The following PBRM1 variants were observed in gnomAD, a reference collection of about 807,000 sequenced individuals.
The protein encoded by PBRM1 is protein polybromo-1.
PBRM1 carries 27 observed loss-of-function variants against 194.5 expected under a neutral mutation model. That is an observed-to-expected ratio of 0.14 (90% CI 0.10 to 0.19). PBRM1 has a LOEUF of 0.19. PBRM1 is among the 10% of genes least tolerant of loss of function. The probability of loss-of-function intolerance (pLI) is 1.00; values close to 1 mark genes in which losing one functional copy is unlikely to be tolerated. For missense variants in PBRM1, 1,466 were observed against 2,077.2 expected, an observed-to-expected ratio of 0.71 and a Z score of 5.72; for synonymous variants, 655 against 693.2, an observed-to-expected ratio of 0.94 and a Z score of 0.87.
At chr3:52,596,964 C>T (rs2093613230) in intron 17 of PBRM1, among the ~76,000 whole-genome samples, 1 of 152,150 alleles carries the variant, frequency 6.6e-6, no homozygotes. Flanking sequence ...CCCCAGAGCC[C>T]TTTAGCACAC....
At position 52,609,699 on chromosome 3, in the gene PBRM1, G is replaced by A; in HGVS notation, c.2181C>T (p.Asp727=). 6.2e-7 allele frequency: 1 copy of A among 1,613,334 alleles called. No homozygotes were observed. Among genetic ancestry groups the A allele is most frequent in the Non-Finnish European group, 8.5e-7 (1 of 1,179,762 alleles). ...AGGCATTATTAAACATCATGACAAA[G>A]TCCTCAACCATAGAGTCAATATCTT... The change falls in exon 16 of 30, where the codon GAC becomes GAT. Residue 727 remains aspartate (D), a synonymous_variant. Coordinates refer to ENST00000296302, the Ensembl canonical transcript of PBRM1. The surrounding 1 kb of genome is among the most constrained non-coding windows in gnomAD (Gnocchi z 4.1).
chr3:52,685,777 C>A lies in PBRM1; in HGVS notation c.-41G>T, dbSNP rs566714781. 4.8e-3 allele frequency: 1,228 copies of A among 258,038 alleles called. 19 individuals are homozygous for A. The highest frequency in any genetic ancestry group is 0.014 in the Middle Eastern group (12 of 872). The allele number at this position is 258,038 out of a possible 1,614,324, so 16.0% of individuals were successfully genotyped here. A position where few individuals can be genotyped will look rare whatever the true frequency, so the allele number is the denominator to read the frequency against. ...GCCGCTCCGCCGCCTGCAGCCCCGG[C>A]CGCGGTCACCGACCGCCGCGCCCCG... On this transcript the variant is annotated 5_prime_UTR_variant, in exon 1 of 30. Coordinates refer to the PBRM1 transcript ENST00000394830.
At chr3:52,646,503 C>T (rs2096292437) in intron 7 of PBRM1, among the ~76,000 whole-genome samples, 1 of 152,050 alleles carries the variant, frequency 6.6e-6, no homozygotes, top group Non-Finnish European at 1.5e-5. Flanking sequence ...CAATATTTAA[C>T]TAAAAAATGG....
chr3:52,597,139 A>G (rs2093629862), intron 17 of PBRM1, among the ~76,000 whole-genome samples: 1 of 152,184 alleles, frequency 6.6e-6, no homozygotes, highest in Admixed American at 6.5e-5. Flanking sequence ...AAGCACAAAG[A>G]TTCTCTGTGT....
intron 20 of PBRM1, chr3:52,586,076 C>A: frequency 5.9e-6 from 1 of 169,380 alleles, no homozygotes. Flanking sequence ...GCTGGAATTA[C>A]AGGCACGCGC....
chr3:52,675,198 C>G (rs1299493474), intron 2 of PBRM1, among the ~76,000 whole-genome samples: 1 of 152,122 alleles, frequency 6.6e-6, no homozygotes, highest in Non-Finnish European at 1.5e-5. Context: ...AAACCTATAA[C>G]TAGTAAGGAG....
intron 23 of PBRM1, 149 bp downstream of exon 25, chr3:52,563,901 C>G (rs1349579089): frequency 3.3e-6 from 2 of 605,510 alleles, no homozygotes; most frequent in African/African-American, 3.7e-5. Context: ...GAAGTCTTTC[C>G]TTTAATCTTT....
intron 27 of PBRM1, among the ~76,000 whole-genome samples, chr3:52,553,662 CCTT>C (rs1283734028): frequency 3.2e-5 from 4 of 123,964 alleles, no homozygotes; most frequent in Admixed American, 1.9e-4. Flanking sequence ...GCTAATTTTT[CCTT>C]TTTTTTTTTT....
chr3:52,643,536 T>A (rs2096186563), intron 8 of PBRM1, among the ~76,000 whole-genome samples, 193 bp from the exon 10 acceptor site: 1 of 152,222 alleles, frequency 6.6e-6, no homozygotes, highest in Admixed American at 6.5e-5. Flanking sequence ...GGGCTGGTCC[T>A]AGAGAGCTTT....
intron 10 of PBRM1, among the ~76,000 whole-genome samples, chr3:52,638,503 C>T (rs889214642): frequency 2.6e-5 from 4 of 152,068 alleles, no homozygotes; most frequent in Admixed American, 1.3e-4. Context: ...GGATTACAGG[C>T]GTGCACCACC....
intron 9 of PBRM1, 72 bp from the exon 11 acceptor site, chr3:52,642,117 A>G: frequency 2.5e-6 from 2 of 803,298 alleles, no homozygotes; most frequent in Admixed American, 2.1e-5. Context: ...AGGGAACAGG[A>G]ACTATTAACA....
chr3:52,644,516 CTG>C (rs901879172), intron 8 of PBRM1, among the ~76,000 whole-genome samples, 186 bp downstream of exon 9: 51 of 152,078 alleles, frequency 3.4e-4, no homozygotes, highest in African/African-American at 1.2e-3. Context: ...TCCCAAGTAG[CTG>C]TGACTACAGG....
At chr3:52,638,328 G>C (rs1406312983) in intron 10 of PBRM1, among the ~76,000 whole-genome samples, 1 of 150,958 alleles carries the variant, frequency 6.6e-6, no homozygotes, top group African/African-American at 2.4e-5. Flanking sequence ...TGTTTGGCCT[G>C]GTATTTTCTA....
At chr3:52,642,956 T>C (rs2096160453) in intron 9 of PBRM1, among the ~76,000 whole-genome samples, 1 of 152,024 alleles carries the variant, frequency 6.6e-6, no homozygotes, top group South Asian at 2.1e-4. Flanking sequence ...CCAGCTAATT[T>C]TTGTAGTTTT....
chr3:52,621,475 T>G (rs2095272513), intron 13 of PBRM1, among the ~76,000 whole-genome samples: 1 of 152,218 alleles, frequency 6.6e-6, no homozygotes, highest in Non-Finnish European at 1.5e-5. Context: ...TGGCTACTGT[T>G]TTCAATGTCA....
chr3:52,671,593 A>G lies in PBRM1; in HGVS notation c.237-2948T>C, dbSNP rs145581090. On this transcript the variant is annotated intron_variant, in intron 2 of 29. Transcript: ENST00000296302. ...TGCAAGTTCTCACCTATAAACTGTG[A>G]TAACTCAGAATTTTAAATAAGATAT... Among the ~76,000 whole-genome samples the G allele has an allele frequency of 4.0e-3, 615 of 152,390 alleles. 3 individuals carry two copies. The highest frequency in any genetic ancestry group is 0.023 in the South Asian group (110 of 4,830).
At chr3:52,594,286 GA>G (rs991295101) in intron 17 of PBRM1, among the ~76,000 whole-genome samples, 26 of 152,250 alleles carry the variant, frequency 1.7e-4, no homozygotes, top group Admixed American at 1.6e-3. Context: ...TATTATTTAG[GA>G]TAAGTCTTCT....
intron 17 of PBRM1, among the ~76,000 whole-genome samples, chr3:52,592,732 T>C (rs2093210118): frequency 6.6e-6 from 1 of 152,216 alleles, no homozygotes; most frequent in African/African-American, 2.4e-5. Flanking sequence ...GTAGAAATGG[T>C]ACCAGCTCTT....
chr3:52,546,340 A>T (rs938150087), downstream of PBRM1: 6 of 231,756 alleles, frequency 2.6e-5, no homozygotes, highest in Non-Finnish European at 5.1e-5. Context: ...GATTTATCTG[A>T]CTCACTTTAA....
Sources: gnomAD v4.1 joint callset for allele counts (sites outside exome capture counted in the v4.1 genomes callset) on GRCh38, gnomAD v4.1.1 for gene constraint, Gnocchi (gnomAD v3.1) non-coding constraint, MANE v1.5 for transcripts, NCBI Gene and HGNC (gene_info 2026-07-23, HGNC 2026-07-21) for gene names.